The following CHDH variants were observed in gnomAD, a reference collection of about 807,000 sequenced individuals.
CHDH encodes the protein choline dehydrogenase, also known as choline dehydrogenase, mitochondrial.
CHDH carries 43 observed loss-of-function variants against 56.9 expected under a neutral mutation model. That is an observed-to-expected ratio of 0.76 (90% CI 0.59 to 0.97). CHDH has a LOEUF of 0.97. Ranked by LOEUF, CHDH falls within the 50% of genes least tolerant of loss-of-function variation. The pLI is 0.00. For synonymous variants in CHDH, 364 were observed against 348.5 expected (o/e 1.04, Z -0.50); for missense variants, 816 against 821.1 (o/e 0.99, Z 0.08).
rs1443535817 is a variant in CHDH at position 53,817,407 on chromosome 3, T to C, written c.*370A>G. On this transcript the variant is annotated 3_prime_UTR_variant, in exon 9 of 9. Coordinates refer to ENST00000315251, the MANE Select transcript of CHDH (RefSeq NM_018397.5). ...CCGTGGGTCTGGCAGGCACCCAGCC[T>C]CTGTGCATGGCCTGGGAAGGAACCA... 9.1e-6 allele frequency: 2 copies of C among 218,700 alleles called. No homozygotes were observed. The highest frequency in any genetic ancestry group is 1.8e-5 in the Non-Finnish European group (2 of 110,326). 13.5% of individuals were successfully genotyped at this position (218,700 alleles called of 1,614,324 possible).
intron 2 of CHDH, among the ~76,000 whole-genome samples, chr3:53,830,362 CACAA>C (rs1213036253): frequency 6.6e-6 from 1 of 151,408 alleles, no homozygotes; most frequent in African/African-American, 2.4e-5. Flanking sequence ...ATATTCAGCA[CACAA>C]AAAGAATATT....
chr3:53,822,409 G>A (rs770458345), intron 4 of CHDH, 82 bp downstream of exon 4: 161 of 1,348,976 alleles, frequency 1.2e-4, no homozygotes, highest in Middle Eastern at 3.7e-4. Context: ...GGGTGAGGGC[G>A]TGACTCCTGC....
chr3:53,829,457 T>G (rs1242725917), intron 2 of CHDH, among the ~76,000 whole-genome samples: 1 of 152,238 alleles, frequency 6.6e-6, no homozygotes, highest in Non-Finnish European at 1.5e-5. Flanking sequence ...GCGAGGATGT[T>G]GTTAATGGGA....
chr3:53,840,499 C>A, intron 2 of CHDH, among the ~76,000 whole-genome samples: 1 of 149,478 alleles, frequency 6.7e-6, no homozygotes, highest in Non-Finnish European at 1.5e-5. Flanking sequence ...TGTACTCCAG[C>A]CTGGATGACA....
At chr3:53,825,762 A>G (rs1215330010) in intron 2 of CHDH, among the ~76,000 whole-genome samples, 2 of 152,212 alleles carry the variant, frequency 1.3e-5, no homozygotes, top group Non-Finnish European at 2.9e-5. Context: ...AGTACAAAGA[A>G]AAACACATCT....
At chr3:53,838,831 A>T (rs1698585482) in intron 2 of CHDH, among the ~76,000 whole-genome samples, 1 of 152,204 alleles carries the variant, frequency 6.6e-6, no homozygotes, top group African/African-American at 2.4e-5. Flanking sequence ...GGAAAAGCAG[A>T]CACAGAAGCA....
In CHDH at chr3:53,819,388, C is replaced by T; in HGVS notation, c.1263+144G>A. 9.0e-7 allele frequency: 1 copy of T among 1,110,642 alleles called. No individual in the cohort carries two copies. The highest frequency in any genetic ancestry group is 1.5e-5 in the South Asian group (1 of 64,964). The allele number at this position is 1,110,642 out of a possible 1,614,324, so 68.8% of individuals were successfully genotyped here. On this transcript the variant is annotated intron_variant, in intron 7 of 8. Transcript: ENST00000315251. This position sits in a 1 kb window ranked among gnomAD's most constrained non-coding sequence, Gnocchi z 5.4. Reference sequence around the variant, plus strand: ...CCACGCAGACTGACACGCTGGGCAGCTGGAAGGCAGGGGACAGGCCTCTGT... The same window carrying T: ...CCACGCAGACTGACACGCTGGGCAGTTGGAAGGCAGGGGACAGGCCTCTGT...
chr3:53,823,552 G>A lies in CHDH; in HGVS notation c.457C>T (p.Gln153Ter). ...HAEDYERWQR[Q>*]GARGWDYAHC... The stretch of plus-strand genomic sequence containing the variant: ...GCGTAGTCCCAGCCGCGGGCGCCCT[G>A]GCGCTGCCAGCGCTCGTAGTCCTCG... Residue 153 changes from glutamine (Q) to a stop codon, truncating the protein, a stop_gained, in exon 3 of 9, where the codon CAG becomes TAG. Transcript: ENST00000315251. LOFTEE classifies it high-confidence loss of function. 1 of 1,542,620 alleles carries A rather than the reference G, an allele frequency of 6.5e-7. No individual in the cohort carries two copies. Among genetic ancestry groups the A allele is most frequent in the East Asian group, 2.4e-5 (1 of 40,834 alleles).
At position 53,824,040 on chromosome 3, in the gene CHDH, G is replaced by A. The variant is rs114306000; in HGVS notation, c.-32C>T. 7.1e-4 allele frequency: 995 copies of A among 1,409,710 alleles called. 5 individuals carry two copies. The African/African-American group carries it at 0.014, about 19-fold the overall frequency. The allele number at this position is 1,409,710 out of a possible 1,614,324, so 87.3% of individuals were successfully genotyped here. A position where few individuals can be genotyped will look rare whatever the true frequency, so the allele number is the denominator to read the frequency against. On this transcript the variant is annotated 5_prime_UTR_variant, in exon 3 of 9. Coordinates refer to ENST00000315251, the MANE Select transcript of CHDH (RefSeq NM_018397.5). ...ATCTAGTCCAAGTCCTCTGATCCAC[G>A]GAGGGGAATGAGATGACTCACTTCT...
chr3:53,838,263 G>A (rs1370359249), intron 2 of CHDH, among the ~76,000 whole-genome samples: 4 of 152,112 alleles, frequency 2.6e-5, no homozygotes, highest in Non-Finnish European at 2.9e-5. Context: ...TAGGAGGCAG[G>A]GTACAACAGA....
At chr3:53,820,721 T>C in intron 5 of CHDH, 113 bp from the exon 6 acceptor site, 1 of 1,305,382 alleles carries the variant, frequency 7.7e-7, no homozygotes, top group East Asian at 2.3e-5. Context: ...CTGGACCAGC[T>C]CCTGCTCAGT....
chr3:53,822,684 C>G, intron 3 of CHDH, 42 bp from the exon 4 acceptor site: 1 of 1,584,438 alleles, frequency 6.3e-7, no homozygotes, highest in Non-Finnish European at 8.6e-7. Flanking sequence ...CTCCGCCCTC[C>G]CCTGGCACCT....
chr3:53,837,679 G>T (rs946927462), intron 2 of CHDH, among the ~76,000 whole-genome samples: 6 of 151,928 alleles, frequency 3.9e-5, no homozygotes, highest in South Asian at 2.1e-4. Context: ...CCAGGCCTCT[G>T]CCCTCTGCAC....
rs756109509 is a variant in CHDH at position 53,823,337 on chromosome 3, G to A, written c.672C>T (p.Gly224=). 1.9e-6 allele frequency: 3 copies of A among 1,590,816 alleles called. No homozygotes were observed. The highest frequency in any genetic ancestry group is 2.6e-6 in the Non-Finnish European group (3 of 1,167,692). ...TEDMNGFQQE[G]FGWMDMTIHE... is the part of the protein sequence containing the mutation. ...GGATGGTCATGTCCATCCAGCCGAAGCCCTCCTGCTGGAAGCCATTCATGT... is the reference window on the plus strand; with the variant it reads ...GGATGGTCATGTCCATCCAGCCGAAACCCTCCTGCTGGAAGCCATTCATGT... Residue 224 remains glycine, a synonymous_variant, in exon 3 of 9, where the codon GGC becomes GGT. Coordinates refer to ENST00000315251, the MANE Select transcript of CHDH (RefSeq NM_018397.5).
chr3:53,821,026 A>C (rs930632744), intron 5 of CHDH, among the ~76,000 whole-genome samples: 111 of 152,324 alleles, frequency 7.3e-4, no homozygotes, highest in African/African-American at 2.3e-3. Flanking sequence ...GTCGTGCTAC[A>C]CCGTCCTTGC....
intron 1 of CHDH, among the ~76,000 whole-genome samples, chr3:53,842,543 C>T (rs1698705608): frequency 6.6e-6 from 1 of 152,110 alleles, no homozygotes; most frequent in Non-Finnish European, 1.5e-5. Flanking sequence ...ATGTAAAAAT[C>T]AATGCAAGTA....
In CHDH at chr3:53,820,558, A is replaced by G. The variant is rs2095624270; in HGVS notation, c.1036T>C (p.Cys346Arg). 1.2e-6 allele frequency: 2 copies of G among 1,613,960 alleles called. No homozygotes were observed. Among genetic ancestry groups the G allele is most frequent in the East Asian group, 2.2e-5 (1 of 44,896 alleles). The stretch of plus-strand genomic sequence containing the variant: ...GAATGGAGGGTGATAGGGCGGGTGC[A>G]TGCCTGCTGAATGTAGATCTCCAGG... ...DHLEIYIQQA[C>R]TRPITLHSAQ... Residue 346 changes from cysteine to arginine, a missense_variant, in exon 6 of 9, where the codon TGC (cysteine) becomes CGC (arginine). Transcript: ENST00000315251.
At chr3:53,844,605 GC>G in intron 1 of CHDH, 1 of 152,834 alleles carries the variant, frequency 6.5e-6, no homozygotes, top group South Asian at 2.1e-4. Flanking sequence ...TTGTCTCAAA[GC>G]CTGTGTGCCG....
chr3:53,836,005 G>C (rs1299347133), intron 2 of CHDH, among the ~76,000 whole-genome samples: 2 of 152,228 alleles, frequency 1.3e-5, no homozygotes, highest in Non-Finnish European at 2.9e-5. Context: ...AAGACACCAA[G>C]TTCCCATGCC....
Sources: allele counts gnomAD v4.1 joint callset (sites outside exome capture counted in the v4.1 genomes callset), GRCh38; gene constraint gnomAD v4.1.1; non-coding constraint Gnocchi (gnomAD v3.1); transcripts MANE v1.5; gene names NCBI Gene and HGNC (gene_info 2026-07-23, HGNC 2026-07-21).